Variants in RFX3 observed in about 807,000 individuals in gnomAD.
RFX3 encodes the protein transcription factor RFX3.
Under a neutral mutation model 98.6 loss-of-function variants are expected in RFX3, and 14 were observed. That is an observed-to-expected ratio of 0.14 (90% CI 0.09 to 0.22). The LOEUF is 0.22. Among genes scored for constraint, RFX3 ranks in the 10% least tolerant of loss-of-function variants. The pLI is 1.00. For synonymous variants in RFX3, 383 were observed against 328.4 expected, an observed-to-expected ratio of 1.17 and a Z score of -1.80; for missense variants, 639 against 926.9, an observed-to-expected ratio of 0.69 and a Z score of 4.03.
At chr9:3,405,918 C>T (rs898506258) in intron 1 of RFX3, among the ~76,000 whole-genome samples, 1 of 152,082 alleles carries the variant, frequency 6.6e-6, no homozygotes, top group Non-Finnish European at 1.5e-5. Flanking sequence ...ATGGAACTAC[C>T]CACAGTTCCC....
At chr9:3,487,202 C>T (rs1850354097) in intron 1 of RFX3, among the ~76,000 whole-genome samples, 2 of 152,046 alleles carry the variant, frequency 1.3e-5, no homozygotes, top group African/African-American at 2.4e-5. Context: ...ATGGAAATTA[C>T]TTTTAACAAC....
chr9:3,307,053 G>A (rs887438430), intron 4 of RFX3, among the ~76,000 whole-genome samples: 13 of 151,984 alleles, frequency 8.6e-5, no homozygotes, highest in African/African-American at 2.9e-4. Flanking sequence ...TTAAAAACGG[G>A]AGTTTCTCTG....
chr9:3,525,352 A>G lies in RFX3; in HGVS notation c.-9+395T>C, dbSNP rs139802800. ...AAAGAAGAAAATTAAAGAAAGAACA[A>G]ATTCTTATCTCTTCACCTGACCCTC... is the stretch of plus-strand genomic sequence containing the variant. On this transcript the variant is annotated intron_variant, in intron 1 of 16. Coordinates refer to ENST00000617270, the MANE Select transcript of RFX3 (RefSeq NM_001282116.2). Among the ~76,000 whole-genome samples, 753 of 152,304 alleles carry G rather than the reference A, an allele frequency of 4.9e-3. 9 individuals are homozygous for G. Among genetic ancestry groups the G allele is most frequent in the Admixed American group, 7.3e-3 (111 of 15,306 alleles).
intron 8 of RFX3, 23 bp from the exon 9 acceptor site, chr9:3,275,635 GA>G (rs753688905): frequency 8.9e-5 from 129 of 1,452,534 alleles, no homozygotes; most frequent in Non-Finnish European, 1.2e-4. Flanking sequence ...CAACAGAACA[GA>G]AAAAAGCTAT....
chr9:3,479,621 T>G (rs1464746477), intron 1 of RFX3, among the ~76,000 whole-genome samples: 1 of 152,166 alleles, frequency 6.6e-6, no homozygotes, highest in Non-Finnish European at 1.5e-5. Context: ...TCAGAGCCAC[T>G]CTCAGTCCTA....
chr9:3,355,166 A>G (rs1049213205), intron 2 of RFX3, among the ~76,000 whole-genome samples: 5 of 151,890 alleles, frequency 3.3e-5, no homozygotes, highest in Non-Finnish European at 7.4e-5. Flanking sequence ...AAGGAAATAA[A>G]AGAACAGATG....
chr9:3,376,342 C>A (rs531899053), intron 2 of RFX3, among the ~76,000 whole-genome samples: 1 of 152,218 alleles, frequency 6.6e-6, no homozygotes. Context: ...TAGGTATTTA[C>A]CCATGAGAAA....
At chr9:3,409,342 C>T (rs994741485) in intron 1 of RFX3, among the ~76,000 whole-genome samples, 7 of 152,120 alleles carry the variant, frequency 4.6e-5, no homozygotes, top group Non-Finnish European at 1.0e-4. Flanking sequence ...ATGTTGCTTC[C>T]GTTTTAAGTA....
At chr9:3,292,587 GA>G (rs1390722021) in intron 6 of RFX3, among the ~76,000 whole-genome samples, 1 of 152,054 alleles carries the variant, frequency 6.6e-6, no homozygotes, top group South Asian at 2.1e-4. Context: ...GAAATGAAAT[GA>G]AAAAACTGCT....
intron 1 of RFX3, among the ~76,000 whole-genome samples, chr9:3,443,696 T>C (rs1405154160): frequency 6.6e-6 from 1 of 152,210 alleles, no homozygotes; most frequent in Non-Finnish European, 1.5e-5. Context: ...AATAGAATGA[T>C]TTATATTCCC....
intron 1 of RFX3, among the ~76,000 whole-genome samples, chr9:3,435,379 A>T (rs1272948748): frequency 6.9e-6 from 1 of 144,000 alleles, no homozygotes; most frequent in Non-Finnish European, 1.5e-5. Flanking sequence ...ATCTTTTTGT[A>T]TATTTAGTTT....
chr9:3,302,522 C>A (rs749137640), intron 4 of RFX3, among the ~76,000 whole-genome samples: 3 of 149,516 alleles, frequency 2.0e-5, no homozygotes, highest in Non-Finnish European at 3.0e-5. Flanking sequence ...ACAATATTAG[C>A]TAAATTCAAA....
chr9:3,238,204 T>C (rs989565002), intron 15 of RFX3, among the ~76,000 whole-genome samples: 1 of 152,146 alleles, frequency 6.6e-6, no homozygotes, highest in East Asian at 1.9e-4. Flanking sequence ...AGATGGTGAT[T>C]TTAAAATGAA....
At chr9:3,273,864 C>CAAAAAAAAAAA (rs34744889) in intron 9 of RFX3, among the ~76,000 whole-genome samples, 1 of 69,498 alleles carries the variant, frequency 1.4e-5, no homozygotes. Context: ...GACTCTGTCT[C>CAAAAAAAAAAA]AAAAAAAAAA....
chr9:3,475,131 G>T (rs1356690657), intron 1 of RFX3, among the ~76,000 whole-genome samples: 2 of 151,442 alleles, frequency 1.3e-5, no homozygotes, highest in Non-Finnish European at 2.9e-5. Flanking sequence ...AAAGAAAAAG[G>T]AAGGAAGGAA....
rs141754690 is a variant in RFX3 at position 3,336,032 on chromosome 9, T to C, written c.216-5515A>G. Among the ~76,000 whole-genome samples the C allele has an allele frequency of 4.2e-4, 64 of 152,346 alleles. 2 individuals carry two copies. In the East Asian group the frequency reaches 0.012, roughly 28 times the overall value. Reference sequence around the variant, plus strand: ...CTCAGTATCTCTAAATTCTTTATTTTGTATTTTACCAAGATGTTGAATGTC... The same window carrying C: ...CTCAGTATCTCTAAATTCTTTATTTCGTATTTTACCAAGATGTTGAATGTC... On this transcript the variant is annotated intron_variant, in intron 3 of 16. Transcript: ENST00000617270.
rs772285748 is a variant in RFX3 at position 3,271,150 on chromosome 9, A to C, written c.1087-32T>G. On this transcript the variant is annotated intron_variant, in intron 9 of 16. Coordinates refer to ENST00000617270, the MANE Select transcript of RFX3 (RefSeq NM_001282116.2). ...AACAAAATGGTACCAGTATTACCTTACAATATTATTTACGGGACTGTGTGA... is the reference window on the plus strand; with the variant it reads ...AACAAAATGGTACCAGTATTACCTTCCAATATTATTTACGGGACTGTGTGA... 2.5e-6 allele frequency: 4 copies of C among 1,581,202 alleles called. No individual in the cohort carries two copies. The East Asian group carries it at 9.0e-5, about 35-fold the overall frequency.
At chr9:3,225,700 C>T (rs542138585) in intron 16 of RFX3, among the ~76,000 whole-genome samples, 9 of 152,256 alleles carry the variant, frequency 5.9e-5, no homozygotes, top group South Asian at 4.2e-4. Flanking sequence ...CAAAAATCTA[C>T]ACTAAATATA....
At chr9:3,283,827 C>T (rs1012416635) in intron 7 of RFX3, among the ~76,000 whole-genome samples, 1 of 150,504 alleles carries the variant, frequency 6.6e-6, no homozygotes, top group African/African-American at 2.5e-5. Context: ...TGTGATTTCT[C>T]CCTTTATTTC....
Sources: allele counts gnomAD v4.1 joint callset (sites outside exome capture counted in the v4.1 genomes callset), GRCh38; gene constraint gnomAD v4.1.1; transcripts MANE v1.5; gene names NCBI Gene and HGNC (gene_info 2026-07-23, HGNC 2026-07-21).